The following ICE2 variants were observed in gnomAD, a reference collection of about 807,000 sequenced individuals.
The protein encoded by ICE2 is interactor of little elongation complex ELL subunit 2, also known as little elongation complex subunit 2.
A neutral mutation model predicts 105.4 loss-of-function variants in ICE2; 87 were observed. The ratio of observed to expected loss-of-function variants is 0.83; its 90% CI spans 0.69 to 0.99. The LOEUF is 0.99. Ranked by LOEUF, ICE2 falls within the 50% of genes least tolerant of loss-of-function variation. The pLI, the probability that ICE2 is intolerant of heterozygous loss-of-function variation, is 0.00. For missense variants in ICE2, 1,323 were observed against 1,146.7 expected (o/e 1.15, Z -2.22); for synonymous variants, 399 against 392.0 (o/e 1.02, Z -0.21).
intron 5 of ICE2, among the ~76,000 whole-genome samples, chr15:60,461,874 C>G (rs1006989575): frequency 6.6e-6 from 1 of 152,050 alleles, no homozygotes; most frequent in Non-Finnish European, 1.5e-5. Flanking sequence ...AGGAAGTGTA[C>G]AAAATGAGCC....
intron 13 of ICE2, among the ~76,000 whole-genome samples, chr15:60,434,728 A>G (rs1440496961): frequency 6.6e-6 from 1 of 152,184 alleles, no homozygotes; most frequent in Non-Finnish European, 1.5e-5. Context: ...GAGCATGGAG[A>G]TACAGAATAG....
Position 60,422,697 on chromosome 15 carries a change from A to C in ICE2, c.*937T>G, listed in dbSNP as rs979815461. 6.6e-6 allele frequency: 1 copy of C among 152,018 alleles called. No homozygotes were observed. The highest frequency in any genetic ancestry group is 1.5e-5 in the Non-Finnish European group (1 of 68,058). The allele number at this position is 152,018 out of a possible 1,614,324, so 9.4% of individuals were successfully genotyped here. A position where few individuals can be genotyped will look rare whatever the true frequency, so the allele number is the denominator to read the frequency against. Reference sequence around the variant, plus strand: ...TAAAAATACAAAAAAAAATTAGCCAAGCCTGGTGGTAGGTGCCTGTAGTCC... The same window carrying C: ...TAAAAATACAAAAAAAAATTAGCCACGCCTGGTGGTAGGTGCCTGTAGTCC... On this transcript the variant is annotated 3_prime_UTR_variant, in exon 16 of 16. Transcript: ENST00000261520.
chr15:60,441,833 A>G (rs1009009873), intron 12 of ICE2: 1 of 152,258 alleles, frequency 6.6e-6, no homozygotes, highest in Non-Finnish European at 1.5e-5. Flanking sequence ...CAGAACAACA[A>G]AAACAAAGGA....
intron 11 of ICE2, among the ~76,000 whole-genome samples, chr15:60,446,459 G>A (rs2063824430): frequency 1.3e-5 from 2 of 152,052 alleles, no homozygotes; most frequent in Admixed American, 6.6e-5. Flanking sequence ...GCAGTGGTGC[G>A]ATCTCGGCTC....
At chr15:60,476,013 A>T (rs371490785) in intron 3 of ICE2, 50 bp downstream of exon 3, 41 of 1,245,146 alleles carry the variant, frequency 3.3e-5, no homozygotes, top group Non-Finnish European at 4.5e-5. Context: ...TTCAACTATC[A>T]GAAAAACGAC....
At position 60,420,743 on chromosome 15, in the gene ICE2, TTAA is replaced by T. The variant is rs2063234581; in HGVS notation, c.*2888_*2890del. On this transcript the variant is annotated 3_prime_UTR_variant, in exon 16 of 16. Coordinates refer to ENST00000261520, the MANE Select transcript of ICE2 (RefSeq NM_024611.6). The stretch of plus-strand genomic sequence containing the variant: ...AGCTCAAGTTCTATCTCAGAAAACC[TTAA>T]CTACCAAGATCTGGTTAGATGACTT... 6.6e-6 allele frequency: 1 copy of T among 152,212 alleles called. No homozygotes were observed. The highest frequency in any genetic ancestry group is 2.4e-5 in the African/African-American group (1 of 41,452). The allele number at this position is 152,212 out of a possible 1,614,324, so 9.4% of individuals were successfully genotyped here.
chr15:60,472,873 A>G (rs1273196108), intron 3 of ICE2, among the ~76,000 whole-genome samples: 2 of 152,164 alleles, frequency 1.3e-5, no homozygotes, highest in Non-Finnish European at 2.9e-5. Context: ...TTAATACCTG[A>G]AATTTTTAGT....
chr15:60,477,400 T>TTG (rs2141183435), intron 2 of ICE2, among the ~76,000 whole-genome samples: 1 of 152,336 alleles, frequency 6.6e-6, no homozygotes, highest in African/African-American at 2.4e-5. Flanking sequence ...TTGATCCTCC[T>TTG]TGGCTGGCTT....
chr15:60,466,562 G>A (rs775752931), intron 5 of ICE2, 32 bp downstream of exon 5: 10 of 1,605,306 alleles, frequency 6.2e-6, no homozygotes, highest in Admixed American at 3.4e-5. Flanking sequence ...CTATCACTTC[G>A]CAATTTACAC....
At chr15:60,460,488 A>C (rs1304084484) in intron 5 of ICE2, among the ~76,000 whole-genome samples, 2 of 152,068 alleles carry the variant, frequency 1.3e-5, no homozygotes. Context: ...AGAGAGGGAG[A>C]CTCCGTCTCC....
chr15:60,452,416 C>T (rs978046307), intron 9 of ICE2: 20 of 247,040 alleles, frequency 8.1e-5, no homozygotes, highest in Non-Finnish European at 1.1e-4. Context: ...TAAAATGACC[C>T]CTTCCCCACC....
At position 60,428,684 on chromosome 15, in the gene ICE2, C is replaced by T; in HGVS notation, c.2565G>A (p.Leu855=). The change falls in exon 15 of 16, where the codon TTG becomes TTA. Residue 855 remains leucine (L), a synonymous_variant. Transcript: ENST00000261520. ...LQHILKKLSS[L]QEGSYLLSHA... The stretch of plus-strand genomic sequence containing the variant: ...GAGATAACAAGTAGGAACCCTCCTG[C>T]AAGCTAAATTCACACAATGAAACTC... 1.2e-6 allele frequency: 2 copies of T among 1,612,718 alleles called. No homozygotes were observed. Among genetic ancestry groups the T allele is most frequent in the Non-Finnish European group, 1.7e-6 (2 of 1,178,910 alleles).
chr15:60,445,829 T>C lies in ICE2; in HGVS notation c.2295+2141A>G, dbSNP rs2063810763. ...TACAAAGTGGTATGGGTTCACAGAG[T>C]AGGAAGTTAAAGAAATGAGGTTAGC... On this transcript the variant is annotated intron_variant, in intron 11 of 15. Transcript: ENST00000261520. 4.1e-5 allele frequency: 40 copies of C among 965,052 alleles called. 1 individual carries two copies. Among genetic ancestry groups the C allele is most frequent in the Non-Finnish European group, 4.9e-5 (40 of 811,482 alleles). The allele number at this position is 965,052 out of a possible 1,614,324, so 59.8% of individuals were successfully genotyped here. A position where few individuals can be genotyped will look rare whatever the true frequency, so the allele number is the denominator to read the frequency against.
chr15:60,434,520 T>TAC (rs71122858), intron 13 of ICE2, among the ~76,000 whole-genome samples: 6,154 of 144,640 alleles, frequency 0.043, 172 homozygotes, highest in Middle Eastern at 0.08. Flanking sequence ...AAAATGTGAT[T>TAC]ACACACACAC....
At position 60,468,071 on chromosome 15, in the gene ICE2, A is replaced by C; in HGVS notation, c.398T>G (p.Leu133Trp). 1.2e-6 allele frequency: 2 copies of C among 1,612,090 alleles called. No individual in the cohort carries two copies. The highest frequency in any genetic ancestry group is 1.7e-6 in the Non-Finnish European group (2 of 1,179,100). Residue 133 changes from leucine (L) to tryptophan (W), a missense_variant, in exon 4 of 16, where the codon TTG becomes TGG. Transcript: ENST00000261520. ...GAACACAATACATACCAAGTACTGC[A>C]AGTAGTCATTTTTATTTATTCCAAC... ...KAVGINKNDY[L>W]QYLDMKKHVN...
rs772097796 is a variant in ICE2, at chr15:60,436,974, T to G, written c.2426-747A>C. Among the ~76,000 whole-genome samples, 111 of 152,170 alleles carry G rather than the reference T, an allele frequency of 7.3e-4. 1 individual carries two copies. Among genetic ancestry groups the G allele is most frequent in the Non-Finnish European group, 1.3e-3 (88 of 67,990 alleles). ...CTGGCTTAATATTTTTTAATTAGAC[T>G]GGGTGTGGTGGCTCACGCCTGAAAT... On this transcript the variant is annotated intron_variant, in intron 12 of 15. Transcript: ENST00000261520.
At chr15:60,446,957 A>T (rs1168799113) in intron 11 of ICE2, among the ~76,000 whole-genome samples, 6 of 152,212 alleles carry the variant, frequency 3.9e-5, no homozygotes, top group Non-Finnish European at 7.3e-5. Context: ...AATATTACAT[A>T]CTCAATTATA....
At chr15:60,460,474 T>G (rs2141113385) in intron 5 of ICE2, among the ~76,000 whole-genome samples, 1 of 152,220 alleles carries the variant, frequency 6.6e-6, no homozygotes, top group East Asian at 1.9e-4. Flanking sequence ...CTGCAGCCTG[T>G]GCGAGAGAGG....
chr15:60,441,062 T>G (rs2063709498), intron 12 of ICE2: 1 of 152,206 alleles, frequency 6.6e-6, no homozygotes, highest in Non-Finnish European at 1.5e-5. Context: ...CTGTCAGTAC[T>G]TTAAACAAAA....
Sources: allele counts gnomAD v4.1 joint callset (sites outside exome capture counted in the v4.1 genomes callset), GRCh38; gene constraint gnomAD v4.1.1; transcripts MANE v1.5; gene names NCBI Gene and HGNC (gene_info 2026-07-23, HGNC 2026-07-21).